Variants in MGMT observed in about 807,000 individuals in gnomAD.
MGMT encodes O-6-methylguanine-DNA methyltransferase.
MGMT carries 14 observed loss-of-function variants against 15.9 expected under a neutral mutation model. That is an observed-to-expected ratio of 0.88 (90% confidence interval 0.58 to 1.37). The LOEUF (loss-of-function observed/expected upper bound fraction) is 1.37, where lower values mean the gene tolerates loss of function less well. Ranked by LOEUF, MGMT falls within the 40% of genes most tolerant of loss-of-function variation. The probability of loss-of-function intolerance (pLI) is 0.00; values close to 1 mark genes in which losing one functional copy is unlikely to be tolerated. For synonymous variants in MGMT, 130 were observed against 118.2 expected, an observed-to-expected ratio of 1.10 and a Z score of -0.65; for missense variants, 282 against 268.1, an observed-to-expected ratio of 1.05 and a Z score of -0.36.
At chr10:129,586,801 C>A (rs547536539) in intron 2 of MGMT, among the ~76,000 whole-genome samples, 2 of 152,276 alleles carry the variant, frequency 1.3e-5, no homozygotes, top group South Asian at 2.1e-4. Context: ...AGTTGCCAAA[C>A]TGTTTTCCAG....
intron 3 of MGMT, among the ~76,000 whole-genome samples, chr10:129,718,944 C>T (rs1482958340): frequency 6.6e-5 from 10 of 151,204 alleles, no homozygotes; most frequent in Admixed American, 4.6e-4. Context: ...CATCACCTTC[C>T]GCTCAGGTGT....
intron 2 of MGMT, among the ~76,000 whole-genome samples, chr10:129,606,514 C>T (rs926991493): frequency 3.9e-5 from 6 of 152,288 alleles, no homozygotes; most frequent in Non-Finnish European, 8.8e-5. Flanking sequence ...CCGCACCCGG[C>T]GCTAGGCAGT....
At chr10:129,513,923 C>G (rs1845710879) in intron 1 of MGMT, among the ~76,000 whole-genome samples, 1 of 152,178 alleles carries the variant, frequency 6.6e-6, no homozygotes. Context: ...CGTTTACAAA[C>G]AGATACTTAA....
chr10:129,573,643 A>G (rs1302718453), intron 2 of MGMT, among the ~76,000 whole-genome samples: 4 of 152,042 alleles, frequency 2.6e-5, no homozygotes, highest in Non-Finnish European at 5.9e-5. Flanking sequence ...GTTGGAACCT[A>G]TCTTTATTTT....
At position 129,612,617 on chromosome 10, in the gene MGMT, A is replaced by G. The variant is rs559583392; in HGVS notation, c.125+76240A>G. Among the ~76,000 whole-genome samples the G allele has an allele frequency of 4.3e-4, 65 of 152,300 alleles. No homozygotes were observed. In the South Asian group the frequency reaches 0.01, roughly 24 times the overall value. On this transcript the variant is annotated intron_variant, in intron 2 of 4. Transcript: ENST00000651593. ...ACAGCCTTGCTGGCAGTGACCCCAT[A>G]TAAATAGGAACAATTACCGGAAGAA...
intron 2 of MGMT, among the ~76,000 whole-genome samples, chr10:129,609,525 G>T (rs141415468): frequency 6.6e-6 from 1 of 152,226 alleles, no homozygotes; most frequent in Non-Finnish European, 1.5e-5. Flanking sequence ...GCCACCCAAG[G>T]TGAAGAGGAA....
At chr10:129,741,137 T>C (rs1848627351) in intron 3 of MGMT, among the ~76,000 whole-genome samples, 1 of 152,128 alleles carries the variant, frequency 6.6e-6, no homozygotes, top group Non-Finnish European at 1.5e-5. Context: ...AAGAACAGAT[T>C]TGACTTTTGA....
chr10:129,483,505 A>T (rs1406596484), intron 1 of MGMT, among the ~76,000 whole-genome samples: 3 of 151,952 alleles, frequency 2.0e-5, no homozygotes, highest in African/African-American at 7.3e-5. Flanking sequence ...CCTTTGTCTC[A>T]CCTGCATTCT....
chr10:129,766,370 C>A (rs1425622888), intron 4 of MGMT, among the ~76,000 whole-genome samples: 1 of 152,208 alleles, frequency 6.6e-6, no homozygotes, highest in Non-Finnish European at 1.5e-5. Flanking sequence ...TTCTCTGATG[C>A]GTCCTGTGAT....
chr10:129,710,355 T>C (rs1159797061), intron 3 of MGMT, among the ~76,000 whole-genome samples: 2 of 152,204 alleles, frequency 1.3e-5, no homozygotes, highest in African/African-American at 2.4e-5. Flanking sequence ...TCTCTCTTGG[T>C]GTTCTAGAAC....
intron 3 of MGMT, among the ~76,000 whole-genome samples, chr10:129,750,346 G>A (rs577790041): frequency 1.3e-5 from 2 of 152,076 alleles, no homozygotes; most frequent in South Asian, 4.1e-4. Context: ...TTGTTCCAGG[G>A]CCATTTGTTT....
intron 2 of MGMT, among the ~76,000 whole-genome samples, chr10:129,675,827 G>A (rs1040636225): frequency 6.6e-6 from 1 of 152,148 alleles, no homozygotes; most frequent in African/African-American, 2.4e-5. Context: ...TGGAACCATC[G>A]GGAAAAAGGG....
intron 2 of MGMT, among the ~76,000 whole-genome samples, chr10:129,572,979 T>G (rs1008965467): frequency 6.6e-6 from 1 of 152,228 alleles, no homozygotes; most frequent in Non-Finnish European, 1.5e-5. Context: ...ATAGACATCT[T>G]TCTATACTTG....
intron 1 of MGMT, among the ~76,000 whole-genome samples, chr10:129,472,058 A>G (rs1845238006): frequency 6.6e-6 from 1 of 152,156 alleles, no homozygotes; most frequent in Non-Finnish European, 1.5e-5. Context: ...CCCGTATCAT[A>G]TTTCACCCCT....
Position 129,544,438 on chromosome 10 carries a change from G to T in MGMT, c.125+8061G>T, listed in dbSNP as rs1265407388. 3.9e-5 allele frequency among the ~76,000 whole-genome samples: 6 copies of T among 152,252 alleles called. 1 individual carries two copies. Among genetic ancestry groups the T allele is most frequent in the African/African-American group, 1.4e-4 (6 of 41,466 alleles). Reference sequence around the variant, plus strand: ...AAGCCCCAGCATGGCCTTGGGCCCAGCTTAGAGGCTTGTGGGGGTTTGGGT... The same window carrying T: ...AAGCCCCAGCATGGCCTTGGGCCCATCTTAGAGGCTTGTGGGGGTTTGGGT... On this transcript the variant is annotated intron_variant, in intron 2 of 4. Coordinates refer to ENST00000651593, the MANE Select transcript of MGMT (RefSeq NM_002412.5).
intron 2 of MGMT, among the ~76,000 whole-genome samples, chr10:129,698,899 C>T (rs1187532936): frequency 2.6e-5 from 4 of 152,180 alleles, no homozygotes; most frequent in Non-Finnish European, 4.4e-5. Flanking sequence ...AGTCAGGCAC[C>T]GCAAGTGGGG....
chr10:129,616,953 A>G (rs919629449), intron 2 of MGMT, among the ~76,000 whole-genome samples: 2 of 152,184 alleles, frequency 1.3e-5, no homozygotes, highest in African/African-American at 4.8e-5. Flanking sequence ...CATAAAGTCA[A>G]CCATGCTCTT....
chr10:129,646,719 A>AATATATAC (rs1847393057), intron 2 of MGMT, among the ~76,000 whole-genome samples: 4 of 81,716 alleles, frequency 4.9e-5, no homozygotes, highest in African/African-American at 1.4e-4. Context: ...GCCCATCAGA[A>AATATATAC]ATATATATAT....
chr10:129,552,328 C>T (rs1195221586), intron 2 of MGMT, among the ~76,000 whole-genome samples: 1 of 152,210 alleles, frequency 6.6e-6, no homozygotes, highest in Non-Finnish European at 1.5e-5. Context: ...GCTGCGTCAC[C>T]ATGACGCTGC....
Sources: allele counts gnomAD v4.1 joint callset (sites outside exome capture counted in the v4.1 genomes callset), GRCh38; gene constraint gnomAD v4.1.1; transcripts MANE v1.5; gene names NCBI Gene and HGNC (gene_info 2026-07-23, HGNC 2026-07-21).